The following TAMM41 variants were observed in gnomAD, a reference collection of about 807,000 sequenced individuals.
TAMM41 encodes the protein phosphatidate cytidylyltransferase, mitochondrial.
TAMM41 carries 36 observed loss-of-function variants against 44.1 expected under a neutral mutation model. The observed-to-expected ratio is 0.82, with a 90% CI of 0.63 to 1.08. The LOEUF (loss-of-function observed/expected upper bound fraction) is 1.08, where lower values mean the gene tolerates loss of function less well. Ranked by LOEUF, TAMM41 falls within the 50% of genes least tolerant of loss-of-function variation. TAMM41 has a pLI of 0.00. For synonymous variants in TAMM41, 164 were observed against 153.1 expected (o/e 1.07, Z -0.53); for missense variants, 417 against 404.3 (o/e 1.03, Z -0.27).
At chr3:11,833,622 C>G (rs1264430684) in intron 3 of TAMM41, among the ~76,000 whole-genome samples, 6 of 152,312 alleles carry the variant, frequency 3.9e-5, no homozygotes, top group African/African-American at 1.4e-4. Flanking sequence ...AACATGATAT[C>G]ATTTTTAAAA....
At chr3:11,810,594 G>A (rs1457811462) in intron 5 of TAMM41, among the ~76,000 whole-genome samples, 2 of 152,154 alleles carry the variant, frequency 1.3e-5, no homozygotes, top group East Asian at 1.9e-4. Flanking sequence ...GGAAGAATCT[G>A]TCTTGTATCC....
chr3:11,726,449 G>A, the TAMM41 span, among the ~76,000 whole-genome samples: 1,078 of 152,338 alleles, frequency 7.1e-3, 3 homozygotes, highest in Non-Finnish European at 0.012. Flanking sequence ...GCACAGTTGA[G>A]GCTTAGTGAC....
At chr3:11,812,690 G>A (rs1460769654) in intron 5 of TAMM41, among the ~76,000 whole-genome samples, 1 of 152,152 alleles carries the variant, frequency 6.6e-6, no homozygotes, top group African/African-American at 2.4e-5. Flanking sequence ...AGCAGACAAG[G>A]CAATGAGTCA....
chr3:11,752,162 G>T, the TAMM41 span, among the ~76,000 whole-genome samples: 8 of 152,116 alleles, frequency 5.3e-5, no homozygotes, highest in Non-Finnish European at 7.4e-5. Flanking sequence ...AGCTCCTAAA[G>T]GTGGTGTGTC....
chr3:11,781,935 T>A, the TAMM41 span, among the ~76,000 whole-genome samples: 1 of 152,178 alleles, frequency 6.6e-6, no homozygotes, highest in Non-Finnish European at 1.5e-5. Context: ...ATATCATGCA[T>A]GTATCATCTC....
chr3:11,754,137 G>A, the TAMM41 span, among the ~76,000 whole-genome samples: 1 of 152,066 alleles, frequency 6.6e-6, no homozygotes, highest in Non-Finnish European at 1.5e-5. Flanking sequence ...CTCGGCTATG[G>A]ACTCAGGTAT....
intron 7 of TAMM41, among the ~76,000 whole-genome samples, chr3:11,806,279 C>G (rs890331822): frequency 8.5e-5 from 13 of 152,272 alleles, no homozygotes; most frequent in Non-Finnish European, 1.3e-4. Context: ...AAAGCCTGAA[C>G]TAGAAAAGTC....
chr3:11,815,106 T>G (rs6767668), intron 5 of TAMM41, among the ~76,000 whole-genome samples: 2 of 152,060 alleles, frequency 1.3e-5, no homozygotes, highest in Admixed American at 6.5e-5. Flanking sequence ...AAAGGGAGGG[T>G]AGAATTTTCA....
the TAMM41 span, among the ~76,000 whole-genome samples, chr3:11,746,646 TTA>T: frequency 0.17 from 25,581 of 151,710 alleles, 4,282 homozygotes; most frequent in African/African-American, 0.44. Flanking sequence ...TTATTATTAA[TTA>T]ATTTATTTAT....
At chr3:11,845,847 A>AAAGTT (rs2079659113) in intron 1 of TAMM41, among the ~76,000 whole-genome samples, 1 of 152,212 alleles carries the variant, frequency 6.6e-6, no homozygotes, top group Admixed American at 6.5e-5. Context: ...CCAACTCTGA[A>AAAGTT]AAGTAACAAT....
chr3:11,824,328 C>T (rs1300754460), intron 4 of TAMM41, among the ~76,000 whole-genome samples: 2 of 148,478 alleles, frequency 1.3e-5, no homozygotes, highest in Non-Finnish European at 3.0e-5. Flanking sequence ...GTAGCTGGGA[C>T]TACAGGTGTG....
chr3:11,753,790 G>A, the TAMM41 span, among the ~76,000 whole-genome samples: 1 of 151,952 alleles, frequency 6.6e-6, no homozygotes, highest in Non-Finnish European at 1.5e-5. Flanking sequence ...ACTCCAGGAG[G>A]AGCAGACCTA....
At chr3:11,749,743 T>C in the TAMM41 span, among the ~76,000 whole-genome samples, 3 of 152,108 alleles carry the variant, frequency 2.0e-5, no homozygotes, top group Non-Finnish European at 4.4e-5. Flanking sequence ...TGCCTGGAGA[T>C]CCGCTGGGTC....
chr3:11,810,874 A>T (rs900057130), intron 5 of TAMM41: 2 of 151,966 alleles, frequency 1.3e-5, no homozygotes, highest in Non-Finnish European at 2.9e-5. Flanking sequence ...CATCAGCCCT[A>T]GCAAAAGAGT....
downstream of TAMM41, among the ~76,000 whole-genome samples, chr3:11,789,664 A>T (rs1283504059): frequency 6.6e-6 from 1 of 152,146 alleles, no homozygotes; most frequent in African/African-American, 2.4e-5. Flanking sequence ...GCACCCAATC[A>T]GCATCCGTGA....
intron 7 of TAMM41, among the ~76,000 whole-genome samples, chr3:11,802,627 A>G (rs2077787619): frequency 6.6e-6 from 1 of 152,218 alleles, no homozygotes; most frequent in Admixed American, 6.5e-5. Context: ...AAACACAGAA[A>G]GAATGAATAC....
chr3:11,783,351 C>G, the TAMM41 span, among the ~76,000 whole-genome samples: 16 of 143,928 alleles, frequency 1.1e-4, no homozygotes, highest in Middle Eastern at 3.4e-3. Context: ...CCAACATCAC[C>G]TGGCTAATCT....
chr3:11,808,490 C>G (rs2077987312), intron 6 of TAMM41: 1 of 985,762 alleles, frequency 1.0e-6, no homozygotes, highest in Non-Finnish European at 1.2e-6. Flanking sequence ...GGGCGTGGAG[C>G]GCCTGCTGCA....
At chr3:11,801,660 A>AC (rs1183439873) in intron 7 of TAMM41, among the ~76,000 whole-genome samples, 2 of 152,162 alleles carry the variant, frequency 1.3e-5, no homozygotes, top group Non-Finnish European at 2.9e-5. Flanking sequence ...AAATGAAAAC[A>AC]CAACATACCA....
Sources: gnomAD v4.1 joint callset for allele counts (sites outside exome capture counted in the v4.1 genomes callset) on GRCh38, gnomAD v4.1.1 for gene constraint, MANE v1.5 for transcripts, NCBI Gene and HGNC (gene_info 2026-07-23, HGNC 2026-07-21) for gene names.